The following PPP1R16A variants were observed in gnomAD, a reference collection of about 807,000 sequenced individuals.
PPP1R16A encodes protein phosphatase 1 regulatory subunit 16A, also known as myosin phosphatase-targeting subunit 3.
PPP1R16A carries 39 observed loss-of-function variants against 46.6 expected under a neutral mutation model. The ratio of observed to expected loss-of-function variants is 0.84; its 90% CI spans 0.65 to 1.09. PPP1R16A has a LOEUF of 1.09. Ranked by LOEUF, PPP1R16A falls within the 50% of genes least tolerant of loss-of-function variation. The probability of loss-of-function intolerance (pLI) is 0.00; values close to 1 mark genes in which losing one functional copy is unlikely to be tolerated. For synonymous variants in PPP1R16A, 413 were observed against 321.5 expected, an observed-to-expected ratio of 1.28 and a Z score of -3.04; for missense variants, 798 against 735.6, an observed-to-expected ratio of 1.08 and a Z score of -0.98.
intron 1 of PPP1R16A, among the ~76,000 whole-genome samples, chr8:144,488,721 GTGGTTGGTGCC>G (rs1342751443): frequency 6.6e-6 from 1 of 152,120 alleles, no homozygotes; most frequent in Non-Finnish European, 1.5e-5. Context: ...CTGGTGCTGG[GTGGTTGGTGCC>G]TGATGATGTG....
chr8:144,498,970 A>G lies in PPP1R16A; in HGVS notation c.385A>G (p.Asn129Asp), dbSNP rs781429910. 2.4e-5 allele frequency: 39 copies of G among 1,612,116 alleles called. No individual in the cohort carries two copies. Among genetic ancestry groups the G allele is most frequent in the Admixed American group, 6.7e-5 (4 of 60,008 alleles). The change falls in exon 5 of 12, where the codon AAC becomes GAC. Residue 129 changes from asparagine to aspartate, a missense_variant. Physicochemically the swap from Asn to Asp is conservative, Grantham distance 23. Coordinates refer to ENST00000435887, the MANE Select transcript of PPP1R16A (RefSeq NM_001329443.2). ...GCAGCAGCTCCTGGAGGCTGGGGCC[A>G]ACATCAATGCCTGTGACAGTGAGTG... ...MVQQLLEAGANINACDSECWT... is the reference protein window; with the variant it reads ...MVQQLLEAGADINACDSECWT...
chr8:144,499,884 T>G, intron 5 of PPP1R16A: 2 of 556,928 alleles, frequency 3.6e-6, no homozygotes, highest in Non-Finnish European at 6.4e-6. Flanking sequence ...GATCCCTGGA[T>G]GGATAGAGAC....
At chr8:144,487,123 G>T (rs1056501251) in intron 1 of PPP1R16A, among the ~76,000 whole-genome samples, 1 of 151,758 alleles carries the variant, frequency 6.6e-6, no homozygotes, top group East Asian at 1.9e-4. Flanking sequence ...GAGTAGCTGG[G>T]ACTACAGGTG....
chr8:144,483,314 T>G (rs1825512368), intron 1 of PPP1R16A, among the ~76,000 whole-genome samples: 1 of 152,244 alleles, frequency 6.6e-6, no homozygotes, highest in African/African-American at 2.4e-5. Context: ...AAGGCTTTCC[T>G]CCTGTTTCAT....
intron 11 of PPP1R16A, 65 bp downstream of exon 11, chr8:144,501,359 C>G (rs1742513359): frequency 1.3e-6 from 2 of 1,511,110 alleles, no homozygotes; most frequent in Non-Finnish European, 1.8e-6. Flanking sequence ...GGTTCTCTCT[C>G]CGCTTGGACC....
rs980260758 is a variant in PPP1R16A, at chr8:144,493,738, T to C, written c.-734-2723T>C. Among the ~76,000 whole-genome samples the C allele has an allele frequency of 1.3e-5, 2 of 152,154 alleles. No individual in the cohort carries two copies. The highest frequency in any genetic ancestry group is 1.3e-4 in the Admixed American group (2 of 15,282). On this transcript the variant is annotated intron_variant, in intron 2 of 11. Transcript: ENST00000435887. The surrounding 1 kb of genome is among the most constrained non-coding windows in gnomAD (Gnocchi z 4.3). ...CTCTTGGGGGGCCCTGGGCTCACTT[T>C]GGGTACCTCGTTTTCTCTTAGAGGA...
intron 8 of PPP1R16A, 32 bp from the exon 9 acceptor site, chr8:144,500,654 A>C: frequency 6.2e-7 from 1 of 1,606,794 alleles, no homozygotes; most frequent in South Asian, 1.1e-5. Context: ...CTTCCAGCGC[A>C]GCAGTCTGCA....
Position 144,497,028 on chromosome 8 carries a change from G to C in PPP1R16A, c.-167G>C. 3.3e-6 allele frequency: 3 copies of C among 901,878 alleles called. No homozygotes were observed. The highest frequency in any genetic ancestry group is 3.3e-5 in the South Asian group (2 of 61,186). 55.9% of individuals were successfully genotyped at this position (901,878 alleles called of 1,614,324 possible). A position where few individuals can be genotyped will look rare whatever the true frequency, so the allele number is the denominator to read the frequency against. ...ATGCCCCCCAGGGCTGCCTGGGCCTGGTTATTGTGTGGGGCCTCCTGACCC... is the reference window on the plus strand; with the variant it reads ...ATGCCCCCCAGGGCTGCCTGGGCCTCGTTATTGTGTGGGGCCTCCTGACCC... On this transcript the variant is annotated 5_prime_UTR_variant, in exon 3 of 12. Coordinates refer to ENST00000435887, the MANE Select transcript of PPP1R16A (RefSeq NM_001329443.2).
At chr8:144,482,711 T>A (rs1317095991) in intron 1 of PPP1R16A, among the ~76,000 whole-genome samples, 2 of 149,906 alleles carry the variant, frequency 1.3e-5, no homozygotes, top group East Asian at 3.9e-4. Context: ...TAGAGTGCAG[T>A]GATCTAGGCT....
chr8:144,492,570 C>T (rs1455645095), intron 2 of PPP1R16A, among the ~76,000 whole-genome samples: 2 of 152,178 alleles, frequency 1.3e-5, no homozygotes, highest in South Asian at 2.1e-4. Context: ...CTCCTGACCT[C>T]GTGATCTGCC....
chr8:144,490,604 T>C (rs1364190282), intron 2 of PPP1R16A, among the ~76,000 whole-genome samples: 2 of 151,908 alleles, frequency 1.3e-5, no homozygotes, highest in Non-Finnish European at 2.9e-5. Context: ...GCCTTCCAAA[T>C]GAACGGTGAA....
chr8:144,485,212 CAAAAAAAAAA>C (rs749667274), intron 1 of PPP1R16A, among the ~76,000 whole-genome samples: 4 of 61,544 alleles, frequency 6.5e-5, no homozygotes, highest in Admixed American at 1.9e-4. Flanking sequence ...AATAGAATCT[CAAAAAAAAAA>C]AAAAAAAAAA....
chr8:144,501,479 G>T (rs776145283), intron 11 of PPP1R16A, 41 bp from the exon 12 acceptor site: 38 of 1,493,724 alleles, frequency 2.5e-5, no homozygotes, highest in Non-Finnish European at 3.0e-5. Flanking sequence ...AGGGAGGGGG[G>T]AGGAGCCTCC....
At chr8:144,501,101 C>T (rs1253570682) in intron 10 of PPP1R16A, 28 bp from the exon 11 acceptor site, 1 of 1,606,518 alleles carries the variant, frequency 6.2e-7, no homozygotes, top group Admixed American at 1.7e-5. Flanking sequence ...TCCCCTTCCC[C>T]TCACTCCCTC....
At chr8:144,492,870 G>A (rs1825873939) in intron 2 of PPP1R16A, among the ~76,000 whole-genome samples, 1 of 152,080 alleles carries the variant, frequency 6.6e-6, no homozygotes, top group Non-Finnish European at 1.5e-5. Flanking sequence ...CCTATCTCTG[G>A]GTGAATAGAG....
chr8:144,485,832 A>G (rs573852843), intron 1 of PPP1R16A, among the ~76,000 whole-genome samples: 249 of 152,328 alleles, frequency 1.6e-3, no homozygotes, highest in Non-Finnish European at 2.8e-3. Context: ...TCTTGCAGCC[A>G]CAGCCACCTC....
intron 3 of PPP1R16A, 135 bp from the exon 4 acceptor site, chr8:144,498,635 C>G (rs1315856448): frequency 1.2e-6 from 1 of 837,030 alleles, no homozygotes; most frequent in Non-Finnish European, 1.8e-6. Flanking sequence ...TCTGCCCCCA[C>G]CCCTGGGCTC....
At chr8:144,498,265 G>A in intron 3 of PPP1R16A, 1 of 359,864 alleles carries the variant, frequency 2.8e-6, no homozygotes, top group Non-Finnish European at 5.6e-6. Flanking sequence ...GAGAACCCTG[G>A]TGACCTGGGC....
chr8:144,489,540 C>T (rs372047040), intron 1 of PPP1R16A, among the ~76,000 whole-genome samples: 85 of 152,210 alleles, frequency 5.6e-4, no homozygotes, highest in African/African-American at 1.8e-3. Flanking sequence ...CTGCAGGCCC[C>T]GGGGATGCCC....
Sources: allele counts gnomAD v4.1 joint callset (sites outside exome capture counted in the v4.1 genomes callset), GRCh38; gene constraint gnomAD v4.1.1; non-coding constraint Gnocchi (gnomAD v3.1); transcripts MANE v1.5; gene names NCBI Gene and HGNC (gene_info 2026-07-23, HGNC 2026-07-21).